The following ASXL3 variants were observed in gnomAD, a reference collection of about 807,000 sequenced individuals.
ASXL3 encodes the protein putative Polycomb group protein ASXL3.
ASXL3 carries 34 observed loss-of-function variants against 170.6 expected under a neutral mutation model. The ratio of observed to expected loss-of-function variants is 0.20; its 90% CI spans 0.15 to 0.27. The LOEUF is 0.27. Among genes scored for constraint, ASXL3 ranks in the 10% least tolerant of loss-of-function variants. The probability of loss-of-function intolerance (pLI) is 1.00; values close to 1 mark genes in which losing one functional copy is unlikely to be tolerated. For missense variants in ASXL3, 2,592 were observed against 2,695.3 expected (o/e 0.96, Z 0.85); for synonymous variants, 1,002 against 989.1 (o/e 1.01, Z -0.24).
rs1226619353 is a variant in ASXL3 at position 33,713,248 on chromosome 18, G to GTT, written c.880-18695_880-18694dup. Among the ~76,000 whole-genome samples the GTT allele has an allele frequency of 8.9e-4, 58 of 65,092 alleles. 2 individuals carry two copies. The highest frequency in any genetic ancestry group is 1.6e-3 in the Admixed American group (8 of 4,918). The allele number at this position is 65,092 out of a possible 152,430, so 42.7% of individuals were successfully genotyped here. A position where few individuals can be genotyped will look rare whatever the true frequency, so the allele number is the denominator to read the frequency against. ...AAGAAGGTTTTTTTTGTTTTGTTTT[G>GTT]TTTTTTTTTTTTTTTTTTTTTTTTT... is the stretch of plus-strand genomic sequence containing the variant. On this transcript the variant is annotated intron_variant, in intron 8 of 11. Coordinates refer to ENST00000269197, the MANE Select transcript of ASXL3 (RefSeq NM_030632.3).
chr18:33,609,491 T>C (rs534000232), intron 2 of ASXL3, among the ~76,000 whole-genome samples: 36 of 152,046 alleles, frequency 2.4e-4, no homozygotes, highest in Non-Finnish European at 4.6e-4. Flanking sequence ...ACACTTGTTA[T>C]CATTATATCA....
intron 1 of ASXL3, among the ~76,000 whole-genome samples, chr18:33,594,532 C>A (rs975433880): frequency 2.6e-5 from 4 of 152,078 alleles, no homozygotes; most frequent in Non-Finnish European, 5.9e-5. Flanking sequence ...GAGATCCAAC[C>A]CCTATTTCAT....
intron 8 of ASXL3, among the ~76,000 whole-genome samples, chr18:33,725,959 C>T (rs576228573): frequency 5.1e-4 from 77 of 152,174 alleles, no homozygotes; most frequent in African/African-American, 1.7e-3. Flanking sequence ...TCATTGGTTC[C>T]GCTTGCTCTT....
chr18:33,627,933 G>A (rs2065625531), intron 2 of ASXL3, among the ~76,000 whole-genome samples: 1 of 152,048 alleles, frequency 6.6e-6, no homozygotes, highest in South Asian at 2.1e-4. Flanking sequence ...CATGAAAGAA[G>A]TTTATTAGGT....
intron 1 of ASXL3, among the ~76,000 whole-genome samples, chr18:33,589,272 C>T (rs183328081): frequency 5.6e-4 from 85 of 152,238 alleles, no homozygotes; most frequent in Admixed American, 4.2e-3. Flanking sequence ...ATGTGTGTAG[C>T]GTAGTTTTGT....
In ASXL3 at chr18:33,746,375, G is replaced by C. The variant is rs775646844; in HGVS notation, c.6527G>C (p.Gly2176Ala). ...GCATCTGCAATTGAAAAGTCCATTGGGATTTTGGGAAGTGGCTCCAATCCT... is the reference window on the plus strand; with the variant it reads ...GCATCTGCAATTGAAAAGTCCATTGCGATTTTGGGAAGTGGCTCCAATCCT... ...RAASAIEKSI[G>A]ILGSGSNPAT... Residue 2176 changes from glycine (G) to alanine (A), a missense_variant, in exon 12 of 12, where the codon GGG (glycine) becomes GCG (alanine). Gly to Ala is a moderately conservative substitution (Grantham distance 60). Transcript: ENST00000269197. 7 of 1,613,886 alleles carry C rather than the reference G, an allele frequency of 4.3e-6. No homozygotes were observed. The highest frequency in any genetic ancestry group is 5.9e-6 in the Non-Finnish European group (7 of 1,179,782).
At position 33,604,813 on chromosome 18, in the gene ASXL3, T is replaced by C. The variant is rs924346765; in HGVS notation, c.55-2781T>C. Among the ~76,000 whole-genome samples the C allele has an allele frequency of 2.0e-5, 3 of 152,134 alleles. No individual in the cohort carries two copies. The East Asian group carries it at 5.8e-4, about 29-fold the overall frequency. Reference sequence around the variant, plus strand: ...TTTTGAAAAGTTTTTATTGCCCTACTACTAACATATGGTAGAGGATGCCTC... The same window carrying C: ...TTTTGAAAAGTTTTTATTGCCCTACCACTAACATATGGTAGAGGATGCCTC... On this transcript the variant is annotated intron_variant, in intron 1 of 11. Transcript: ENST00000269197.
chr18:33,685,249 G>A (rs1487751016), intron 8 of ASXL3, among the ~76,000 whole-genome samples: 4 of 152,130 alleles, frequency 2.6e-5, no homozygotes, highest in South Asian at 2.1e-4. Flanking sequence ...TTTGATTTTC[G>A]AGGATTGAAT....
At chr18:33,647,328 G>A (rs1207871130) in intron 4 of ASXL3, among the ~76,000 whole-genome samples, 1 of 152,082 alleles carries the variant, frequency 6.6e-6, no homozygotes, top group Non-Finnish European at 1.5e-5. Context: ...CTGATCTGTA[G>A]CAAAGGTTGT....
chr18:33,711,429 C>T (rs1369468331), intron 8 of ASXL3, among the ~76,000 whole-genome samples: 3 of 152,100 alleles, frequency 2.0e-5, no homozygotes, highest in East Asian at 3.9e-4. Flanking sequence ...AGTTTTACAA[C>T]ATATATATTA....
chr18:33,739,331 G>T lies in ASXL3; in HGVS notation c.1927G>T (p.Ala643Ser), dbSNP rs367693184. Residue 643 changes from alanine (A) to serine (S), a missense_variant, in exon 11 of 12, where the codon GCC (alanine) becomes TCC (serine). By Grantham distance (99) the Ala-to-Ser change is moderately conservative (BLOSUM62 1). Around this residue, in one of 4 missense-constraint regions of ASXL3, gnomAD observed 2,246 missense variants for 2,219.6 expected, o/e 1.01. Coordinates refer to ENST00000269197, the MANE Select transcript of ASXL3 (RefSeq NM_030632.3). Reference sequence around the variant, plus strand: ...CACATCAGAAGAATCATGTACTCCAGCCTCCCTTGAGACAACATTTTGTTC... The same window carrying T: ...CACATCAGAAGAATCATGTACTCCATCCTCCCTTGAGACAACATTTTGTTC... ...QSTSEESCTP[A>S]SLETTFCSEV... The T allele has an allele frequency of 8.7e-6, 14 of 1,613,372 alleles. No individual in the cohort carries two copies. The highest frequency in any genetic ancestry group is 1.3e-5 in the African/African-American group (1 of 74,918).
intron 8 of ASXL3, among the ~76,000 whole-genome samples, chr18:33,726,161 T>C (rs901387864): frequency 3.9e-5 from 6 of 152,152 alleles, no homozygotes; most frequent in African/African-American, 1.4e-4. Flanking sequence ...TTTTCTACGT[T>C]TCATTCCTAA....
At chr18:33,672,432 C>A (rs1384387281) in intron 7 of ASXL3, among the ~76,000 whole-genome samples, 1 of 152,158 alleles carries the variant, frequency 6.6e-6, no homozygotes, top group Non-Finnish European at 1.5e-5. Flanking sequence ...CAACATACTT[C>A]TTTCCTGATA....
At chr18:33,680,434 G>C (rs2066497392) in intron 7 of ASXL3, among the ~76,000 whole-genome samples, 2 of 151,892 alleles carry the variant, frequency 1.3e-5, no homozygotes, top group South Asian at 4.2e-4. Context: ...TTTCTCTAAT[G>C]GTTCAGTACA....
intron 6 of ASXL3, among the ~76,000 whole-genome samples, 171 bp from the exon 7 acceptor site, chr18:33,671,575 GA>G (rs2066342214): frequency 6.6e-6 from 1 of 152,182 alleles, no homozygotes; most frequent in Admixed American, 6.5e-5. Context: ...CTGTTTGATT[GA>G]TTTATTGGGC....
chr18:33,596,754 T>C (rs939522977), intron 1 of ASXL3, among the ~76,000 whole-genome samples: 10 of 152,208 alleles, frequency 6.6e-5, no homozygotes, highest in Admixed American at 2.0e-4. Context: ...CTGTTATTGG[T>C]TGAGTATTCA....
At chr18:33,673,274 G>A (rs570843224) in intron 7 of ASXL3, among the ~76,000 whole-genome samples, 9 of 152,078 alleles carry the variant, frequency 5.9e-5, no homozygotes, top group Admixed American at 2.0e-4. Flanking sequence ...AAAATTTAAG[G>A]CACAGGGGCA....
At chr18:33,650,995 T>C (rs1308173126) in intron 4 of ASXL3, among the ~76,000 whole-genome samples, 1 of 152,098 alleles carries the variant, frequency 6.6e-6, no homozygotes, top group Non-Finnish European at 1.5e-5. Flanking sequence ...GGGAACAAAC[T>C]TAGCTTAAAT....
At chr18:33,664,531 A>T (rs765593109) in intron 5 of ASXL3, among the ~76,000 whole-genome samples, 17 of 152,218 alleles carry the variant, frequency 1.1e-4, no homozygotes, top group Non-Finnish European at 1.8e-4. Context: ...GGACTTTAGT[A>T]GTCTATACAT....
Sources: gnomAD v4.1 joint callset for allele counts (sites outside exome capture counted in the v4.1 genomes callset) on GRCh38, gnomAD v4.1.1 for gene constraint, gnomAD v4.1.1 regional missense constraint, MANE v1.5 for transcripts, NCBI Gene and HGNC (gene_info 2026-07-23, HGNC 2026-07-21) for gene names.